CTTN: variants seen among roughly 807,000 people sequenced by gnomAD.
CTTN encodes the protein src substrate cortactin.
A neutral mutation model predicts 84.0 loss-of-function variants in CTTN; 28 were observed. The ratio of observed to expected loss-of-function variants is 0.33; its 90% CI spans 0.25 to 0.46. The LOEUF is 0.46. CTTN is among the 20% of genes least tolerant of loss of function. The pLI is 1.00. For synonymous variants in CTTN, 301 were observed against 288.8 expected (o/e 1.04, Z -0.43); for missense variants, 641 against 723.8 (o/e 0.89, Z 1.31).
Position 70,433,651 on chromosome 11 carries a change from C to T in CTTN, c.1449C>T (p.Asp483=). Residue 483 remains aspartate (D), a synonymous_variant, in exon 17 of 18, where the codon GAC becomes GAT. Coordinates refer to ENST00000301843, the MANE Select transcript of CTTN (RefSeq NM_005231.4). ...TCTGTCATGGCTTTCTTTTAGAGGA[C>T]AGCACCTACGATGAGTACGAGAACG... is the stretch of plus-strand genomic sequence containing the variant. ...AEAPGHYPAE[D]STYDEYENDL... is the part of the protein sequence containing the mutation. 6.2e-7 allele frequency: 1 copy of T among 1,610,582 alleles called. No homozygotes were observed. Among genetic ancestry groups the T allele is most frequent in the Non-Finnish European group, 8.5e-7 (1 of 1,176,838 alleles).
chr11:70,400,355 A>G (rs1292699938), intron 1 of CTTN, among the ~76,000 whole-genome samples: 1 of 152,104 alleles, frequency 6.6e-6, no homozygotes, highest in Non-Finnish European at 1.5e-5. Context: ...TGTCCTAGCT[A>G]CTTGGGGCGC....
At position 70,402,022 on chromosome 11, in the gene CTTN, G is replaced by A. The variant is rs147503963; in HGVS notation, c.-97-3243G>A. On this transcript the variant is annotated intron_variant, in intron 1 of 17. Transcript: ENST00000301843. ...CAAAAAATTAGCTGGGTGTGATGGC[G>A]CATGCCTGTAATCCCAGCTACTCGG... is the stretch of plus-strand genomic sequence containing the variant. 5.3e-3 allele frequency among the ~76,000 whole-genome samples: 800 copies of A among 151,942 alleles called. 3 individuals carry two copies. The highest frequency in any genetic ancestry group is 7.3e-3 in the Non-Finnish European group (496 of 67,950).
intron 13 of CTTN, 71 bp downstream of exon 13, chr11:70,425,472 A>G (rs2058290908): frequency 8.3e-7 from 1 of 1,207,860 alleles, no homozygotes. Flanking sequence ...GACAGTTGTG[A>G]AACAGCCAGG....
At position 70,415,487 on chromosome 11, in the gene CTTN, T is replaced by G. The variant is rs374792930; in HGVS notation, c.403-176T>G. On this transcript the variant is annotated intron_variant, in intron 6 of 17. Coordinates refer to ENST00000301843, the MANE Select transcript of CTTN (RefSeq NM_005231.4). ...TGGGCCTTGCAGTGGGCCTGTCCGTTTAGGATGCCAGAGCTCTTGCGTCAC... is the reference window on the plus strand; with the variant it reads ...TGGGCCTTGCAGTGGGCCTGTCCGTGTAGGATGCCAGAGCTCTTGCGTCAC... Among the ~76,000 whole-genome samples the G allele has an allele frequency of 3.3e-3, 504 of 152,296 alleles. 7 individuals carry two copies. The highest frequency in any genetic ancestry group is 0.011 in the African/African-American group (473 of 41,580).
In CTTN at chr11:70,435,976, G is replaced by A; in HGVS notation, c.*814G>A. The A allele has an allele frequency of 2.8e-6, 4 of 1,431,352 alleles. No individual in the cohort carries two copies. Among genetic ancestry groups the A allele is most frequent in the Non-Finnish European group, 3.6e-6 (4 of 1,099,760 alleles). The allele number at this position is 1,431,352 out of a possible 1,614,324, so 88.7% of individuals were successfully genotyped here. ...GGCTTGGCTTTTCACAAAGGCTGAT[G>A]TCTTAACTGTCACCCATATGGTCCC... On this transcript the variant is annotated 3_prime_UTR_variant, in exon 18 of 18. Transcript: ENST00000301843.
chr11:70,430,998 C>T (rs2058348235), intron 14 of CTTN, among the ~76,000 whole-genome samples, 193 bp from the exon 15 acceptor site: 1 of 152,090 alleles, frequency 6.6e-6, no homozygotes. Context: ...TCCAGCTCCC[C>T]TGCCCCTCGG....
chr11:70,433,339 T>C, intron 16 of CTTN, 61 bp downstream of exon 16: 1 of 1,499,438 alleles, frequency 6.7e-7, no homozygotes, highest in Non-Finnish European at 8.9e-7. Flanking sequence ...GACATCCTGC[T>C]CGACCTGTGG....
At chr11:70,422,432 A>G in intron 11 of CTTN, 1 of 1,113,422 alleles carries the variant, frequency 9.0e-7, no homozygotes. Context: ...TGTGACTTTC[A>G]TGTGGATCTG....
chr11:70,420,507 A>G lies in CTTN; in HGVS notation c.787A>G (p.Lys263Glu), dbSNP rs752338953. 2 of 1,610,602 alleles carry G rather than the reference A, an allele frequency of 1.2e-6. No homozygotes were observed. The highest frequency in any genetic ancestry group is 4.5e-5 in the East Asian group (2 of 44,870). The change falls in exon 10 of 18, where the codon AAA becomes GAA. Residue 263 changes from lysine (K) to glutamate (E), a missense_variant. Transcript: ENST00000301843. ...QEKLQLHESQKDYKTGFGGKF... is the reference protein window; with the variant it reads ...QEKLQLHESQEDYKTGFGGKF... The stretch of plus-strand genomic sequence containing the variant: ...GAAATTGCAGCTGCATGAATCCCAA[A>G]AAGGTACATTCACTCTGCCTGTATG...
At chr11:70,411,753 G>T (rs2058098734) in intron 5 of CTTN, among the ~76,000 whole-genome samples, 1 of 152,118 alleles carries the variant, frequency 6.6e-6, no homozygotes, top group Admixed American at 6.5e-5. Flanking sequence ...CCGAGTGCCA[G>T]GAGCTCCCTG....
rs900966823 is a variant in CTTN, at chr11:70,416,824, C to T, written c.458-189C>T. Reference sequence around the variant, plus strand: ...CAGCTGACAGGGCCCAGAACCCCCCCATGCACCTGTTGTGAAACAGGGTCC... The same window carrying T: ...CAGCTGACAGGGCCCAGAACCCCCCTATGCACCTGTTGTGAAACAGGGTCC... On this transcript the variant is annotated intron_variant, in intron 7 of 17. Transcript: ENST00000301843. 3 of 578,786 alleles carry T rather than the reference C, an allele frequency of 5.2e-6. No homozygotes were observed. The African/African-American group carries it at 5.6e-5, about 11-fold the overall frequency. The allele number at this position is 578,786 out of a possible 1,614,324, so 35.9% of individuals were successfully genotyped here.
chr11:70,407,103 A>G (rs1264650270), intron 2 of CTTN, among the ~76,000 whole-genome samples, 195 bp from the exon 3 acceptor site: 1 of 152,196 alleles, frequency 6.6e-6, no homozygotes, highest in African/African-American at 2.4e-5. Context: ...CGGCAGTGTT[A>G]GAACCCCGAG....
Position 70,415,956 on chromosome 11 carries a change from G to A in CTTN, c.457+239G>A, listed in dbSNP as rs944017963. On this transcript the variant is annotated intron_variant, in intron 7 of 17. Transcript: ENST00000301843. ...TTCCCCGTTACACATCCCCCTCGGAGCCCTGGCATCTGCTGTCATTGTGGG... is the reference window on the plus strand; with the variant it reads ...TTCCCCGTTACACATCCCCCTCGGAACCCTGGCATCTGCTGTCATTGTGGG... 9.9e-5 allele frequency: 47 copies of A among 476,306 alleles called. 2 individuals carry two copies. The Admixed American group carries it at 1.5e-3, about 15-fold the overall frequency. 29.5% of individuals were successfully genotyped at this position (476,306 alleles called of 1,614,324 possible). A position where few individuals can be genotyped will look rare whatever the true frequency, so the allele number is the denominator to read the frequency against.
At chr11:70,418,910 G>A (rs1175308236) in intron 8 of CTTN, among the ~76,000 whole-genome samples, 5 of 151,040 alleles carry the variant, frequency 3.3e-5, no homozygotes, top group East Asian at 2.0e-4. Flanking sequence ...CTGAGTAGCC[G>A]GGATTACAGG....
At position 70,436,065 on chromosome 11, in the gene CTTN, G is replaced by A; in HGVS notation, c.*903G>A. Reference sequence around the variant, plus strand: ...TCACAGCATGGCCTCTCGGCCTTGGGAAGGAAGGCAGTGCCTGCTCTGCTG... The same window carrying A: ...TCACAGCATGGCCTCTCGGCCTTGGAAAGGAAGGCAGTGCCTGCTCTGCTG... On this transcript the variant is annotated 3_prime_UTR_variant, in exon 18 of 18. Transcript: ENST00000301843. 3 of 1,425,586 alleles carry A rather than the reference G, an allele frequency of 2.1e-6. No homozygotes were observed. The highest frequency in any genetic ancestry group is 2.5e-5 in the East Asian group (1 of 39,352). The allele number at this position is 1,425,586 out of a possible 1,614,324, so 88.3% of individuals were successfully genotyped here.
chr11:70,417,771 C>T (rs2135572754), intron 8 of CTTN, among the ~76,000 whole-genome samples: 1 of 152,354 alleles, frequency 6.6e-6, no homozygotes, highest in East Asian at 1.9e-4. Context: ...GCTGGGATTA[C>T]AGGTGTGAGC....
chr11:70,422,788 G>C (rs2058253307), intron 11 of CTTN, 152 bp from the exon 12 acceptor site: 1 of 1,482,314 alleles, frequency 6.7e-7, no homozygotes, highest in Non-Finnish European at 9.0e-7. Context: ...AGCAAAACTT[G>C]CCTTGCAAGT....
rs946773526 is a variant in CTTN at position 70,417,121 on chromosome 11, G to C, written c.566G>C (p.Arg189Thr). ...AAGACGGAGAAGCACGAGTCACAGA[G>C]AGGTGGGGCGGACCCCACGGTCTGT... Reference protein sequence around the residue: ...QGKTEKHESQRDYSKGFGGKY... With the variant: ...QGKTEKHESQTDYSKGFGGKY... Residue 189 changes from arginine to threonine, a missense_variant and splice_region_variant, in exon 8 of 18, where the codon AGA becomes ACA. Transcript: ENST00000301843. 1 of 1,613,096 alleles carries C rather than the reference G, an allele frequency of 6.2e-7. No individual in the cohort carries two copies. Among genetic ancestry groups the C allele is most frequent in the Admixed American group, 1.7e-5 (1 of 60,020 alleles).
intron 13 of CTTN, among the ~76,000 whole-genome samples, chr11:70,427,030 A>C (rs193143668): frequency 5.3e-5 from 8 of 151,710 alleles, no homozygotes; most frequent in Admixed American, 5.2e-4. Flanking sequence ...GCGACATTGG[A>C]AAGTTATTAA....
Sources: allele counts gnomAD v4.1 joint callset (sites outside exome capture counted in the v4.1 genomes callset), GRCh38; gene constraint gnomAD v4.1.1; transcripts MANE v1.5; gene names NCBI Gene and HGNC (gene_info 2026-07-23, HGNC 2026-07-21).